ACE: variants seen among roughly 807,000 people sequenced by gnomAD.
The protein encoded by ACE is angiotensin-converting enzyme.
ACE carries 122 observed loss-of-function variants against 162.3 expected under a neutral mutation model. The ratio of observed to expected loss-of-function variants is 0.75; its 90% CI spans 0.65 to 0.87. The LOEUF (loss-of-function observed/expected upper bound fraction) is 0.87. Among genes scored for constraint, ACE ranks in the 40% least tolerant of loss-of-function variants. The probability of loss-of-function intolerance (pLI) is 0.00; values close to 1 mark genes in which losing one functional copy is unlikely to be tolerated. For synonymous variants in ACE, 796 were observed against 720.6 expected, an observed-to-expected ratio of 1.10 and a Z score of -1.68; for missense variants, 1,799 against 1,735.1, an observed-to-expected ratio of 1.04 and a Z score of -0.65.
Position 63,484,561 on chromosome 17 carries a change from T to C in ACE, c.1921+20T>C. 6 of 1,603,508 alleles carry C rather than the reference T, an allele frequency of 3.7e-6. No homozygotes were observed. The highest frequency in any genetic ancestry group is 5.1e-6 in the Non-Finnish European group (6 of 1,176,056). ...GCATAGGTAAAGCCCTGAGTGAGGATGGTGTGGGGCTAAGGTGGGTCCTCA... is the reference window on the plus strand; with the variant it reads ...GCATAGGTAAAGCCCTGAGTGAGGACGGTGTGGGGCTAAGGTGGGTCCTCA... On this transcript the variant is annotated intron_variant, in intron 12 of 24. Coordinates refer to ENST00000290866, the MANE Select transcript of ACE (RefSeq NM_000789.4). This position sits in a 1 kb window ranked among gnomAD's most constrained non-coding sequence, Gnocchi z 4.0.
chr17:63,481,545 G>A (rs1276691830), intron 6 of ACE, 21 bp from the exon 7 acceptor site: 14 of 1,613,112 alleles, frequency 8.7e-6, no homozygotes, highest in African/African-American at 4.0e-5. Context: ...CCCCTGACCT[G>A]GCTCCACACC....
intron 10 of ACE, 88 bp downstream of exon 10, chr17:63,483,646 G>T (rs2029861203): frequency 3.0e-6 from 4 of 1,316,570 alleles, no homozygotes; most frequent in Non-Finnish European, 3.1e-6. Flanking sequence ...CTCATCCCCA[G>T]GGCTTGTCCC....
At chr17:63,485,072 A>T (rs2029867965) in intron 12 of ACE, 164 bp from the exon 13 acceptor site, 1 of 1,601,762 alleles carries the variant, frequency 6.2e-7, no homozygotes, top group Non-Finnish European at 8.5e-7. Flanking sequence ...CCCAAGTGGG[A>T]CCATGCAGGG....
chr17:63,483,203 C>A (rs755143759), intron 9 of ACE, 30 bp downstream of exon 9: 30 of 1,612,334 alleles, frequency 1.9e-5, no homozygotes, highest in Non-Finnish European at 2.3e-5. Flanking sequence ...AGCCTTCGCC[C>A]CAGCTAGCCC....
chr17:63,483,546 C>T lies in ACE; in HGVS notation c.1574C>T (p.Thr525Ile), dbSNP rs1251832995. 1.2e-6 allele frequency: 2 copies of T among 1,613,920 alleles called. No individual in the cohort carries two copies. Among genetic ancestry groups the T allele is most frequent in the South Asian group, 2.2e-5 (2 of 91,068 alleles). Residue 525 changes from threonine (T) to isoleucine (I), a missense_variant, in exon 10 of 25, where the codon ACA (threonine) becomes ATA (isoleucine). Physicochemically the swap from Thr to Ile is moderately conservative, Grantham distance 89. Coordinates refer to ENST00000290866, the MANE Select transcript of ACE (RefSeq NM_000789.4). ...AGAKFHVPNV[T>I]PYIRYFVSFV... ...GCTAAGTTTCATGTTCCAAATGTGA[C>T]ACCATACATCAGGTATTAGCGCCCC...
intron 23 of ACE, 29 bp downstream of exon 23, chr17:63,496,545 C>T: frequency 6.2e-7 from 1 of 1,613,638 alleles, no homozygotes; most frequent in Non-Finnish European, 8.5e-7. Context: ...TCCTTTGTTT[C>T]CATGCTCTGG....
rs138675881 is a variant in ACE at position 63,496,443 on chromosome 17, C to G, written c.3430C>G (p.Gln1144Glu). ...GTTCCAGTTCCACGAGGCACTGTGC[C>G]AGGCAGCTGGCCACACGGGCCCCCT... ...IQFQFHEALC[Q>E]AAGHTGPLHK... Residue 1144 changes from glutamine to glutamate, a missense_variant, in exon 23 of 25, where the codon CAG becomes GAG. Coordinates refer to ENST00000290866, the MANE Select transcript of ACE (RefSeq NM_000789.4). 1.2e-6 allele frequency: 2 copies of G among 1,614,238 alleles called. No individual in the cohort carries two copies. The highest frequency in any genetic ancestry group is 2.2e-5 in the South Asian group (2 of 91,088).
intron 1 of ACE, 86 bp downstream of exon 1, chr17:63,477,429 G>A: frequency 9.2e-7 from 1 of 1,088,276 alleles, no homozygotes; most frequent in Non-Finnish European, 1.1e-6. Context: ...GGGCAGGCTG[G>A]CGCCCCCGAC....
intron 22 of ACE, chr17:63,496,131 G>A (rs1364899180): frequency 1.9e-6 from 1 of 517,476 alleles, no homozygotes; most frequent in Non-Finnish European, 3.5e-6. Flanking sequence ...TGACCCCATG[G>A]AGCAGGCCCT....
In ACE at chr17:63,481,616, C is replaced by T. The variant is rs767127845; in HGVS notation, c.996C>T (p.Ser332=). The change falls in exon 7 of 25, where the codon TCC becomes TCT. Residue 332 remains serine, a synonymous_variant. Coordinates refer to ENST00000290866, the MANE Select transcript of ACE (RefSeq NM_000789.4). The stretch of plus-strand genomic sequence containing the variant: ...GGGTGGCAGAGGAGTTCTTCACCTC[C>T]CTGGAGCTCTCCCCCATGCCTCCCG... ...MFRVAEEFFT[S]LELSPMPPEF... The T allele has an allele frequency of 3.2e-5, 52 of 1,613,966 alleles. No individual in the cohort carries two copies. The highest frequency in any genetic ancestry group is 4.2e-5 in the Non-Finnish European group (50 of 1,180,030).
At chr17:63,478,161 G>T in intron 2 of ACE, 63 bp downstream of exon 2, 1 of 1,540,998 alleles carries the variant, frequency 6.5e-7, no homozygotes, top group Non-Finnish European at 8.8e-7. Context: ...TGGGGGTCGG[G>T]GGAGAGCAGC....
Position 63,483,153 on chromosome 17 carries a change from C to G in ACE, c.1467C>G (p.Asn489Lys), listed in dbSNP as rs145755731. ...GGCGTACCCCCCCTTCCCGCTACAA[C>G]TTCGACTGGTGGTATCTTCGGTGAG... The part of the protein sequence containing the change: ...FSGRTPPSRY[N>K]FDWWYLRTKY... The change falls in exon 9 of 25, where the codon AAC becomes AAG. Residue 489 changes from asparagine to lysine, a missense_variant. Asn to Lys is a moderately conservative substitution (Grantham distance 94). Transcript: ENST00000290866. 4.3e-6 allele frequency: 7 copies of G among 1,613,946 alleles called. No homozygotes were observed. The highest frequency in any genetic ancestry group is 1.3e-5 in the African/African-American group (1 of 74,924).
chr17:63,481,084 T>C lies in ACE; in HGVS notation c.848-7T>C, dbSNP rs1568037077. ...GAGCCAAGCTGTCCCCTTCCTTCCTTATCTAGGAGACATGTGGGCCCAGAG... is the reference window on the plus strand; with the variant it reads ...GAGCCAAGCTGTCCCCTTCCTTCCTCATCTAGGAGACATGTGGGCCCAGAG... On this transcript the variant is annotated splice_polypyrimidine_tract_variant and splice_region_variant and intron_variant, in intron 5 of 24. Coordinates refer to ENST00000290866, the MANE Select transcript of ACE (RefSeq NM_000789.4). 2.5e-6 allele frequency: 4 copies of C among 1,613,698 alleles called. No individual in the cohort carries two copies. Among genetic ancestry groups the C allele is most frequent in the Non-Finnish European group, 3.4e-6 (4 of 1,179,730 alleles).
In ACE at chr17:63,493,562, C is replaced by G; in HGVS notation, c.3039C>G (p.Gly1013=). Residue 1013 remains glycine, a synonymous_variant, in exon 20 of 25, where the codon GGC becomes GGG. Transcript: ENST00000290866. ...CCTTGAGGGAGGGTGCCAACCCCGG[C>G]TTCCATGAGGCCATTGGGGACGTGC... ...PVALREGANP[G]FHEAIGDVLA... is the part of the protein sequence containing the mutation. 6.2e-7 allele frequency: 1 copy of G among 1,614,198 alleles called. No individual in the cohort carries two copies. Among genetic ancestry groups the G allele is most frequent in the Non-Finnish European group, 8.5e-7 (1 of 1,180,050 alleles).
chr17:63,494,575 C>A, intron 22 of ACE, 105 bp downstream of exon 22: 1 of 1,075,388 alleles, frequency 9.3e-7, no homozygotes, highest in Non-Finnish European at 1.4e-6. Flanking sequence ...TCAGGGCAGA[C>A]CCGGGGGAGC....
intron 17 of ACE, among the ~76,000 whole-genome samples, chr17:63,489,428 G>A: frequency 6.6e-6 from 1 of 152,200 alleles, no homozygotes. Flanking sequence ...TGTGATCTTA[G>A]AGGGCGAGGA....
At chr17:63,482,027 G>A (rs913810380) in intron 7 of ACE, among the ~76,000 whole-genome samples, 3 of 152,202 alleles carry the variant, frequency 2.0e-5, no homozygotes, top group Admixed American at 6.5e-5. Context: ...GCCAGGCACG[G>A]TGGTCACACC....
chr17:63,483,698 C>T, intron 10 of ACE, 140 bp downstream of exon 10: 1 of 1,456,974 alleles, frequency 6.9e-7, no homozygotes, highest in African/African-American at 1.4e-5. Flanking sequence ...TAGAGTGGCC[C>T]ACTCTCCTGA....
In ACE at chr17:63,481,883, C is replaced by T. The variant is rs1554961; in HGVS notation, c.1118+145C>T. On this transcript the variant is annotated intron_variant, in intron 7 of 24. Transcript: ENST00000290866. The stretch of plus-strand genomic sequence containing the variant: ...GTTGGAGGCTGGGTCTGTTCCAGGG[C>T]TAGGGGGTATAGGAGGCCTATTAGT... 4,100 of 1,039,958 alleles carry T rather than the reference C, an allele frequency of 3.9e-3. 21 individuals are homozygous for T. The highest frequency in any genetic ancestry group is 0.035 in the Middle Eastern group (145 of 4,196). The allele number at this position is 1,039,958 out of a possible 1,614,324, so 64.4% of individuals were successfully genotyped here.
Sources: gnomAD v4.1 joint callset for allele counts (sites outside exome capture counted in the v4.1 genomes callset) on GRCh38, gnomAD v4.1.1 for gene constraint, Gnocchi (gnomAD v3.1) non-coding constraint, MANE v1.5 for transcripts, NCBI Gene and HGNC (gene_info 2026-07-23, HGNC 2026-07-21) for gene names.